Variants in HNRNPC observed in about 807,000 individuals in gnomAD.
HNRNPC encodes the protein heterogeneous nuclear ribonucleoproteins C1/C2.
HNRNPC carries 3 observed loss-of-function variants against 33.2 expected under a neutral mutation model. The observed-to-expected ratio is 0.09, with a 90% CI of 0.04 to 0.23. The LOEUF is 0.23. HNRNPC is among the 10% of genes least tolerant of loss of function. The pLI is 1.00. For missense variants in HNRNPC, 143 were observed against 366.7 expected (o/e 0.39, Z 4.98); for synonymous variants, 121 against 126.7 (o/e 0.96, Z 0.30).
At chr14:21,259,944 A>G (rs1243814241) in intron 2 of HNRNPC, among the ~76,000 whole-genome samples, 1 of 150,436 alleles carries the variant, frequency 6.6e-6, no homozygotes, top group Non-Finnish European at 1.5e-5. Flanking sequence ...TCACGCCTGT[A>G]ATCCCAGCAC....
In HNRNPC at chr14:21,226,899, G is replaced by GAAAAA. The variant is rs763914963; in HGVS notation, c.365+3419_365+3420insTTTTT. Among the ~76,000 whole-genome samples, 151 of 106,362 alleles carry GAAAAA rather than the reference G, an allele frequency of 1.4e-3. 1 individual carries two copies. The highest frequency in any genetic ancestry group is 5.3e-3 in the African/African-American group (136 of 25,654). 69.8% of individuals were successfully genotyped at this position (106,362 alleles called of 152,430 possible). Reference sequence around the variant, plus strand: ...ATCTCAAAAAAAAAAAAAAAAAGGGGGGGGGGGGACAGTGATTTTTACTCC... The same window carrying GAAAAA: ...ATCTCAAAAAAAAAAAAAAAAAGGGGAAAAAGGGGGGGGACAGTGATTTTTACTCC... On this transcript the variant is annotated intron_variant, in intron 5 of 8. Coordinates refer to ENST00000553300, the MANE Select transcript of HNRNPC (RefSeq NM_004500.4).
chr14:21,210,480 G>A lies in HNRNPC; in HGVS notation c.*743C>T, dbSNP rs535848957. On this transcript the variant is annotated 3_prime_UTR_variant, in exon 9 of 9. Transcript: ENST00000553300. ...ATATCTAGTGCATTCTAGAGGTTTT[G>A]TGGAGGACGCTGTAAAACAAAGTTT... 1.3e-5 allele frequency: 2 copies of A among 152,562 alleles called. No individual in the cohort carries two copies. Among genetic ancestry groups the A allele is most frequent in the Admixed American group, 1.3e-4 (2 of 15,280 alleles). The allele number at this position is 152,562 out of a possible 1,614,324, so 9.5% of individuals were successfully genotyped here. A position where few individuals can be genotyped will look rare whatever the true frequency, so the allele number is the denominator to read the frequency against.
chr14:21,210,054 TTTC>T lies in HNRNPC; in HGVS notation c.*1166_*1168del, dbSNP rs1449069277. 1 of 152,178 alleles carries T rather than the reference TTTC, an allele frequency of 6.6e-6. No individual in the cohort carries two copies. Among genetic ancestry groups the T allele is most frequent in the Admixed American group, 6.5e-5 (1 of 15,274 alleles). The allele number at this position is 152,178 out of a possible 1,614,324, so 9.4% of individuals were successfully genotyped here. A position where few individuals can be genotyped will look rare whatever the true frequency, so the allele number is the denominator to read the frequency against. On this transcript the variant is annotated 3_prime_UTR_variant, in exon 9 of 9. Transcript: ENST00000553300. ...CTATGGAATATCAGGAAGTAAGAGTTTTCTTGTTTTCAGGAACATGGAGGTATA... is the reference window on the plus strand; with the variant it reads ...CTATGGAATATCAGGAAGTAAGAGTTTTGTTTTCAGGAACATGGAGGTATA...
intron 5 of HNRNPC, among the ~76,000 whole-genome samples, chr14:21,228,918 C>G (rs1039708535): frequency 2.0e-5 from 3 of 150,750 alleles, no homozygotes; most frequent in African/African-American, 7.3e-5. Flanking sequence ...AACCCAGCCT[C>G]TACTAAAAAT....
intron 2 of HNRNPC, among the ~76,000 whole-genome samples, chr14:21,259,882 C>CCAA (rs1877882533): frequency 1.5e-5 from 2 of 132,902 alleles, no homozygotes; most frequent in Non-Finnish European, 3.1e-5. Flanking sequence ...CTGTCTCCAC[C>CCAA]AAAAAAAAAA....
rs1891514497 is a variant in HNRNPC, at chr14:21,210,820, G to C, written c.*403C>G. The C allele has an allele frequency of 5.2e-6, 1 of 192,008 alleles. No homozygotes were observed. The allele number at this position is 192,008 out of a possible 1,614,324, so 11.9% of individuals were successfully genotyped here. A position where few individuals can be genotyped will look rare whatever the true frequency, so the allele number is the denominator to read the frequency against. On this transcript the variant is annotated 3_prime_UTR_variant, in exon 9 of 9. Coordinates refer to ENST00000553300, the MANE Select transcript of HNRNPC (RefSeq NM_004500.4). ...ACTTCTAACTCAAAGCTGCTTTCAA[G>C]AGCTACTCAACTAAATGAGATTGCC...
chr14:21,244,516 CA>C (rs1169576119), intron 2 of HNRNPC, among the ~76,000 whole-genome samples: 1 of 152,132 alleles, frequency 6.6e-6, no homozygotes, highest in African/African-American at 2.4e-5. Context: ...TTTGAATTGC[CA>C]AAGTCAGAGA....
At chr14:21,247,759 G>C in intron 2 of HNRNPC, among the ~76,000 whole-genome samples, 1 of 149,536 alleles carries the variant, frequency 6.7e-6, no homozygotes, top group African/African-American at 2.5e-5. Context: ...AGACCAGCTT[G>C]ACTAACATGG....
In HNRNPC at chr14:21,209,207, T is replaced by G. The variant is rs576524275; in HGVS notation, c.*2016A>C. 6.6e-6 allele frequency: 1 copy of G among 152,202 alleles called. No homozygotes were observed. The highest frequency in any genetic ancestry group is 1.5e-5 in the Non-Finnish European group (1 of 68,020). 9.4% of individuals were successfully genotyped at this position (152,202 alleles called of 1,614,324 possible). ...TTTAAAATATACAGGAGAATATGCA[T>G]AGGTTACATATAAATACTATGCCAT... On this transcript the variant is annotated 3_prime_UTR_variant, in exon 9 of 9. Transcript: ENST00000553300.
chr14:21,256,062 C>CAA (rs561333874), intron 2 of HNRNPC, among the ~76,000 whole-genome samples: 231 of 152,242 alleles, frequency 1.5e-3, no homozygotes, highest in African/African-American at 5.3e-3. Context: ...AGGGACACAA[C>CAA]AAATCACGTG....
At chr14:21,222,432 G>C (rs1432233745) in intron 5 of HNRNPC, among the ~76,000 whole-genome samples, 1 of 151,516 alleles carries the variant, frequency 6.6e-6, no homozygotes, top group African/African-American at 2.4e-5. Context: ...TCATATAAAT[G>C]GAATCGTACA....
chr14:21,261,882 T>C (rs1157993701), intron 2 of HNRNPC, among the ~76,000 whole-genome samples: 1 of 152,234 alleles, frequency 6.6e-6, no homozygotes, highest in African/African-American at 2.4e-5. Flanking sequence ...ACATCTTTAC[T>C]AATCTCTACA....
chr14:21,262,762 A>C (rs538858269), intron 2 of HNRNPC: 5 of 152,374 alleles, frequency 3.3e-5, no homozygotes, highest in African/African-American at 1.2e-4. Context: ...AAACAGGAGG[A>C]AGATGGCTTT....
chr14:21,214,523 TGA>T (rs2139466188), intron 5 of HNRNPC, among the ~76,000 whole-genome samples: 1 of 151,762 alleles, frequency 6.6e-6, no homozygotes, highest in East Asian at 1.9e-4. Context: ...GCCCAGGAGG[TGA>T]GAGAACCATG....
At chr14:21,232,879 A>C (rs1325674502) in intron 3 of HNRNPC, among the ~76,000 whole-genome samples, 1 of 152,136 alleles carries the variant, frequency 6.6e-6, no homozygotes, top group Non-Finnish European at 1.5e-5. Context: ...CTACTAAAAA[A>C]TACAAAAATT....
chr14:21,223,342 T>G (rs1893050371), intron 5 of HNRNPC, among the ~76,000 whole-genome samples: 1 of 152,130 alleles, frequency 6.6e-6, no homozygotes, highest in African/African-American at 2.4e-5. Flanking sequence ...TACAGCAGAT[T>G]GATTCAGACC....
chr14:21,256,724 G>C (rs963805814), intron 2 of HNRNPC, among the ~76,000 whole-genome samples: 2 of 151,634 alleles, frequency 1.3e-5, no homozygotes, highest in African/African-American at 4.8e-5. Context: ...GTGCGATCTC[G>C]GCTCACTGCA....
chr14:21,229,734 T>TA (rs1566612331), intron 5 of HNRNPC, among the ~76,000 whole-genome samples: 2 of 152,222 alleles, frequency 1.3e-5, no homozygotes. Flanking sequence ...ACTGAATTGT[T>TA]ATATACAGTA....
chr14:21,234,503 T>C (rs1236312849), intron 2 of HNRNPC, among the ~76,000 whole-genome samples: 1 of 152,200 alleles, frequency 6.6e-6, no homozygotes, highest in African/African-American at 2.4e-5. Context: ...GGCAGATCAT[T>C]GGCAATATAA....
Sources: gnomAD v4.1 joint callset for allele counts (sites outside exome capture counted in the v4.1 genomes callset) on GRCh38, gnomAD v4.1.1 for gene constraint, MANE v1.5 for transcripts, NCBI Gene and HGNC (gene_info 2026-07-23, HGNC 2026-07-21) for gene names.